Variants in NIM1K observed in about 807,000 individuals in gnomAD.
The protein encoded by NIM1K is NIM1 serine/threonine protein kinase, also known as serine/threonine-protein kinase NIM1.
A neutral mutation model predicts 37.1 loss-of-function variants in NIM1K; 35 were observed. That is an observed-to-expected ratio of 0.94 (90% CI 0.72 to 1.25). NIM1K has a LOEUF of 1.25. Among genes scored for constraint, NIM1K ranks in the 50% most tolerant of loss-of-function variants. The probability of loss-of-function intolerance (pLI) is 0.00; values close to 1 mark genes in which losing one functional copy is unlikely to be tolerated. For missense variants in NIM1K, 564 were observed against 548.0 expected, an observed-to-expected ratio of 1.03 and a Z score of -0.29; for synonymous variants, 234 against 206.6, an observed-to-expected ratio of 1.13 and a Z score of -1.14.
At chr5:43,224,697 AT>A (rs34015498) in intron 1 of NIM1K, among the ~76,000 whole-genome samples, 25 of 140,764 alleles carry the variant, frequency 1.8e-4, no homozygotes, top group East Asian at 4.2e-4. Flanking sequence ...TAACAAGTGA[AT>A]TTTTTTTTTT....
intron 2 of NIM1K, among the ~76,000 whole-genome samples, chr5:43,266,479 A>T (rs577434325): frequency 4.3e-4 from 66 of 152,170 alleles, no homozygotes; most frequent in Non-Finnish European, 8.1e-4. Flanking sequence ...AGAGCACAGT[A>T]TTAGGGTGGG....
chr5:43,204,796 C>T (rs182692057), intron 1 of NIM1K, among the ~76,000 whole-genome samples: 7 of 152,116 alleles, frequency 4.6e-5, no homozygotes, highest in African/African-American at 1.7e-4. Context: ...TACTTGAGCC[C>T]AGGAGTTTAA....
intron 2 of NIM1K, among the ~76,000 whole-genome samples, chr5:43,266,344 T>C (rs1400009870): frequency 6.6e-6 from 1 of 152,192 alleles, no homozygotes; most frequent in African/African-American, 2.4e-5. Context: ...ACCAGCCTCA[T>C]TGCCACCTTG....
At chr5:43,238,183 C>A (rs2112252656) in intron 1 of NIM1K, among the ~76,000 whole-genome samples, 1 of 151,934 alleles carries the variant, frequency 6.6e-6, no homozygotes, top group Middle Eastern at 3.4e-3. Context: ...GCTGGAACTA[C>A]AGGCGCCCGC....
intron 2 of NIM1K, among the ~76,000 whole-genome samples, chr5:43,253,210 A>ATGTG (rs1476401169): frequency 1.5e-4 from 9 of 61,714 alleles, no homozygotes; most frequent in South Asian, 7.5e-4. Flanking sequence ...ATAATATAAT[A>ATGTG]TATGTGTGTG....
At chr5:43,264,883 A>G (rs748033948) in intron 2 of NIM1K, among the ~76,000 whole-genome samples, 5 of 152,192 alleles carry the variant, frequency 3.3e-5, no homozygotes, top group Admixed American at 1.3e-4. Context: ...TATGAAGCTT[A>G]GTTTGACTGG....
At chr5:43,219,122 T>C (rs1024676621) in intron 1 of NIM1K, among the ~76,000 whole-genome samples, 2 of 152,186 alleles carry the variant, frequency 1.3e-5, no homozygotes, top group African/African-American at 2.4e-5. Flanking sequence ...CCTTCTGCCA[T>C]GATTGTAAGT....
chr5:43,227,049 G>A (rs939133273), intron 1 of NIM1K, among the ~76,000 whole-genome samples: 1 of 152,168 alleles, frequency 6.6e-6, no homozygotes. Context: ...AGCTGGAAGA[G>A]TTGCTGGGAG....
intron 1 of NIM1K, among the ~76,000 whole-genome samples, chr5:43,208,321 G>A (rs1272646334): frequency 2.0e-5 from 3 of 152,152 alleles, no homozygotes; most frequent in Admixed American, 6.5e-5. Context: ...AAAAGCAAGT[G>A]TGGTTGTGTG....
chr5:43,199,206 T>G (rs1204925959), intron 1 of NIM1K, among the ~76,000 whole-genome samples: 2 of 76,220 alleles, frequency 2.6e-5, no homozygotes, highest in Non-Finnish European at 4.9e-5. Flanking sequence ...AAAAAAAAAA[T>G]ATATATATAT....
chr5:43,239,636 C>T (rs1399579992), intron 1 of NIM1K, among the ~76,000 whole-genome samples: 2 of 151,958 alleles, frequency 1.3e-5, no homozygotes, highest in Non-Finnish European at 2.9e-5. Context: ...AAGTGATTCT[C>T]CTGCCTTAGC....
intron 2 of NIM1K, among the ~76,000 whole-genome samples, chr5:43,263,039 C>A (rs1753059753): frequency 6.6e-6 from 1 of 152,140 alleles, no homozygotes; most frequent in Non-Finnish European, 1.5e-5. Flanking sequence ...ATTTTTGCAT[C>A]AATGTTCATC....
rs765779433 is a variant in NIM1K, at chr5:43,277,779, CGTGTGT to C, written c.561+486_561+491del. On this transcript the variant is annotated intron_variant, in intron 3 of 3. Coordinates refer to ENST00000326035, the MANE Select transcript of NIM1K (RefSeq NM_153361.4). ...CTCTCTCTCCCCCACCCCCCCTCTC[CGTGTGT>C]GTGTGTGTGTGTGTGTGTGTGTGTG... Among the ~76,000 whole-genome samples, 426 of 127,490 alleles carry C rather than the reference CGTGTGT, an allele frequency of 3.3e-3. 2 individuals are homozygous for C. Among genetic ancestry groups the C allele is most frequent in the African/African-American group, 8.5e-3 (264 of 31,094 alleles). 83.6% of individuals were successfully genotyped at this position (127,490 alleles called of 152,430 possible). A position where few individuals can be genotyped will look rare whatever the true frequency, so the allele number is the denominator to read the frequency against.
chr5:43,225,260 CAAAAAAAAAAAAAAAAAAA>C lies in NIM1K; in HGVS notation c.-694-19810_-694-19792del, dbSNP rs10555794. The stretch of plus-strand genomic sequence containing the variant: ...GGGCAACAGAAAGAGACCCTCTTTC[CAAAAAAAAAAAAAAAAAAA>C]AAAAAAAAAAAGATAACTACATAGC... On this transcript the variant is annotated intron_variant, in intron 1 of 3. Transcript: ENST00000326035. Among the ~76,000 whole-genome samples, 4 of 72,710 alleles carry C rather than the reference CAAAAAAAAAAAAAAAAAAA, an allele frequency of 5.5e-5. No homozygotes were observed. The South Asian group carries it at 2.6e-3, about 47-fold the overall frequency. 47.7% of individuals were successfully genotyped at this position (72,710 alleles called of 152,430 possible).
intron 2 of NIM1K, 36 bp downstream of exon 2, chr5:43,246,103 T>A (rs761362937): frequency 2.6e-6 from 4 of 1,561,398 alleles, no homozygotes; most frequent in Non-Finnish European, 3.5e-6. Context: ...TCCCTGGCAG[T>A]ATTGGGACCT....
intron 2 of NIM1K, among the ~76,000 whole-genome samples, chr5:43,272,735 A>T (rs1018181753): frequency 6.6e-6 from 1 of 152,152 alleles, no homozygotes; most frequent in African/African-American, 2.4e-5. Context: ...AATTTGAATT[A>T]GTTGTTGATA....
intron 1 of NIM1K, among the ~76,000 whole-genome samples, chr5:43,212,817 C>G (rs1232032919): frequency 6.6e-6 from 1 of 152,216 alleles, no homozygotes; most frequent in African/African-American, 2.4e-5. Context: ...TCACCATGCA[C>G]TTGGGTCTAG....
At chr5:43,252,053 C>T (rs892322287) in intron 2 of NIM1K, among the ~76,000 whole-genome samples, 3 of 151,502 alleles carry the variant, frequency 2.0e-5, no homozygotes, top group African/African-American at 2.4e-5. Context: ...CTAGCTAAGC[C>T]GAGAAGTTTC....
intron 2 of NIM1K, among the ~76,000 whole-genome samples, chr5:43,268,371 T>C (rs943172393): frequency 6.6e-6 from 1 of 152,148 alleles, no homozygotes; most frequent in African/African-American, 2.4e-5. Context: ...TTAGGGGTTT[T>C]TCAAAGGCAG....
Sources: allele counts gnomAD v4.1 joint callset (sites outside exome capture counted in the v4.1 genomes callset), GRCh38; gene constraint gnomAD v4.1.1; transcripts MANE v1.5; gene names NCBI Gene and HGNC (gene_info 2026-07-23, HGNC 2026-07-21).